CAB39L: variants seen among roughly 807,000 people sequenced by gnomAD.
CAB39L encodes the protein calcium-binding protein 39-like.
CAB39L carries 23 observed loss-of-function variants against 39.1 expected under a neutral mutation model. The observed-to-expected ratio is 0.59, with a 90% CI of 0.42 to 0.83. CAB39L has a LOEUF of 0.83. Among genes scored for constraint, CAB39L ranks in the 40% least tolerant of loss-of-function variants. The pLI, the probability that CAB39L is intolerant of heterozygous loss-of-function variation, is 0.00. For missense variants in CAB39L, 366 were observed against 391.9 expected (o/e 0.93, Z 0.56); for synonymous variants, 126 against 137.2 (o/e 0.92, Z 0.57).
rs150354137 is a variant in CAB39L at position 49,368,109 on chromosome 13, C to T, written c.277-8277G>A. On this transcript the variant is annotated intron_variant, in intron 5 of 10. Coordinates refer to ENST00000409308, the MANE Select transcript of CAB39L (RefSeq NM_001079670.3). Reference sequence around the variant, plus strand: ...GTAATATTGCAGAATAAATATCAACCCTCTTTGAAATGTCATAGGAACATG... The same window carrying T: ...GTAATATTGCAGAATAAATATCAACTCTCTTTGAAATGTCATAGGAACATG... 8.3e-4 allele frequency among the ~76,000 whole-genome samples: 127 copies of T among 152,218 alleles called. 2 individuals are homozygous for T. The highest frequency in any genetic ancestry group is 4.4e-3 in the Admixed American group (67 of 15,290).
intron 10 of CAB39L, among the ~76,000 whole-genome samples, chr13:49,328,899 A>C (rs895862452): frequency 3.9e-5 from 6 of 152,116 alleles, no homozygotes; most frequent in African/African-American, 9.7e-5. Flanking sequence ...TCCTACCCCA[A>C]TATTATATAG....
intron 10 of CAB39L, among the ~76,000 whole-genome samples, chr13:49,325,706 T>C (rs1259195518): frequency 6.6e-6 from 1 of 152,160 alleles, no homozygotes; most frequent in Non-Finnish European, 1.5e-5. Flanking sequence ...GGAGAATCAC[T>C]TGAACCTGGG....
intron 3 of CAB39L, among the ~76,000 whole-genome samples, chr13:49,425,464 T>C (rs1333905448): frequency 6.6e-6 from 1 of 152,100 alleles, no homozygotes; most frequent in Non-Finnish European, 1.5e-5. Flanking sequence ...AGTATAAAAG[T>C]TCAGTTGTGC....
chr13:49,335,514 C>A (rs1243060227), intron 9 of CAB39L, among the ~76,000 whole-genome samples: 6 of 152,128 alleles, frequency 3.9e-5, no homozygotes, highest in African/African-American at 1.4e-4. Context: ...ATACAAAGCA[C>A]TATAAAGCAA....
chr13:49,443,920 A>G (rs894924450), intron 1 of CAB39L, 66 bp downstream of exon 1: 4 of 456,480 alleles, frequency 8.8e-6, no homozygotes, highest in South Asian at 3.1e-5. Context: ...GCCAGGCGCT[A>G]TGTATGTTTT....
At chr13:49,352,178 C>T (rs1290320034) in intron 6 of CAB39L, among the ~76,000 whole-genome samples, 2 of 151,514 alleles carry the variant, frequency 1.3e-5, no homozygotes, top group South Asian at 2.1e-4. Context: ...ACAAACGAAA[C>T]GTCTACTGTG....
At chr13:49,341,190 T>G (rs932630242) in intron 8 of CAB39L, among the ~76,000 whole-genome samples, 1 of 152,212 alleles carries the variant, frequency 6.6e-6, no homozygotes, top group Non-Finnish European at 1.5e-5. Flanking sequence ...ATATAGTTAC[T>G]GAACAACCAA....
intron 3 of CAB39L, among the ~76,000 whole-genome samples, chr13:49,408,379 T>C (rs1956925146): frequency 6.6e-6 from 1 of 152,156 alleles, no homozygotes; most frequent in Non-Finnish European, 1.5e-5. Flanking sequence ...CTTCTGGATA[T>C]AAATGCCCAC....
At chr13:49,398,953 A>G (rs1956702519) in intron 3 of CAB39L, among the ~76,000 whole-genome samples, 1 of 152,116 alleles carries the variant, frequency 6.6e-6, no homozygotes. Flanking sequence ...CAACCAAGTT[A>G]TACCATGGTC....
intron 3 of CAB39L, among the ~76,000 whole-genome samples, chr13:49,415,936 A>G (rs2138698346): frequency 6.6e-6 from 1 of 152,334 alleles, no homozygotes; most frequent in Admixed American, 6.5e-5. Flanking sequence ...TGACTTTTAG[A>G]TGATGAGTGG....
chr13:49,353,982 G>T (rs565568300), intron 6 of CAB39L, among the ~76,000 whole-genome samples: 1 of 152,226 alleles, frequency 6.6e-6, no homozygotes, highest in African/African-American at 2.4e-5. Flanking sequence ...ACTCTAATGA[G>T]AGTCAAACTC....
At chr13:49,433,294 G>C (rs765738169) in intron 3 of CAB39L, 24 bp downstream of exon 3, 1 of 433,898 alleles carries the variant, frequency 2.3e-6, no homozygotes, top group Non-Finnish European at 4.5e-6. Flanking sequence ...TTAAAATCTT[G>C]ATTGAGTCAT....
intron 10 of CAB39L, among the ~76,000 whole-genome samples, chr13:49,328,698 G>A (rs1021884414): frequency 7.9e-5 from 12 of 152,204 alleles, no homozygotes; most frequent in Middle Eastern, 3.4e-3. Context: ...GTTGGGCATG[G>A]TAAGGGCAGG....
chr13:49,315,104 G>T (rs1954117844), intron 10 of CAB39L, among the ~76,000 whole-genome samples: 1 of 152,218 alleles, frequency 6.6e-6, no homozygotes, highest in South Asian at 2.1e-4. Flanking sequence ...GGCCAATTTA[G>T]TTCTGAAATT....
At chr13:49,413,744 A>G (rs544480651) in intron 3 of CAB39L, 3 of 152,344 alleles carry the variant, frequency 2.0e-5, no homozygotes, top group East Asian at 3.9e-4. Flanking sequence ...GGCTTCTACA[A>G]GAAATCCAGA....
At position 49,309,880 on chromosome 13, in the gene CAB39L, T is replaced by C. The variant is rs887769559; in HGVS notation, c.*934A>G. 5.3e-5 allele frequency: 8 copies of C among 152,242 alleles called. No individual in the cohort carries two copies. Among genetic ancestry groups the C allele is most frequent in the Non-Finnish European group, 1.2e-4 (8 of 68,044 alleles). 9.4% of individuals were successfully genotyped at this position (152,242 alleles called of 1,614,324 possible). On this transcript the variant is annotated 3_prime_UTR_variant, in exon 11 of 11. Coordinates refer to ENST00000409308, the MANE Select transcript of CAB39L (RefSeq NM_001079670.3). Reference sequence around the variant, plus strand: ...CATTTCTCCTTCCAATGGTTATTGATACTGATAGAAGTTCCCCGCTGAGAC... The same window carrying C: ...CATTTCTCCTTCCAATGGTTATTGACACTGATAGAAGTTCCCCGCTGAGAC...
intron 3 of CAB39L, among the ~76,000 whole-genome samples, chr13:49,389,431 A>C (rs914330419): frequency 4.6e-5 from 7 of 152,196 alleles, no homozygotes; most frequent in African/African-American, 1.7e-4. Flanking sequence ...ACTTGAGTCC[A>C]GGAGTTCGAG....
chr13:49,422,236 G>GA (rs1275770463), intron 3 of CAB39L, among the ~76,000 whole-genome samples: 1 of 152,120 alleles, frequency 6.6e-6, no homozygotes, highest in Admixed American at 6.6e-5. Context: ...AAAGAGTTAA[G>GA]TATTTCCAAG....
At chr13:49,336,375 G>A (rs1954847926) in intron 9 of CAB39L, among the ~76,000 whole-genome samples, 1 of 151,916 alleles carries the variant, frequency 6.6e-6, no homozygotes, top group African/African-American at 2.4e-5. Context: ...TCAATTCTTG[G>A]TTTTACCATG....
Sources: allele counts gnomAD v4.1 joint callset (sites outside exome capture counted in the v4.1 genomes callset), GRCh38; gene constraint gnomAD v4.1.1; transcripts MANE v1.5; gene names NCBI Gene and HGNC (gene_info 2026-07-23, HGNC 2026-07-21).